The following CNTLN variants were observed in gnomAD, a reference collection of about 807,000 sequenced individuals.
The protein encoded by CNTLN is centlein.
CNTLN carries 212 observed loss-of-function variants against 180.0 expected under a neutral mutation model. The observed-to-expected ratio is 1.18, with a 90% CI of 1.05 to 1.32. The LOEUF (loss-of-function observed/expected upper bound fraction) is 1.32, where lower values mean the gene tolerates loss of function less well. Ranked by LOEUF, CNTLN falls within the 40% of genes most tolerant of loss-of-function variation. The probability of loss-of-function intolerance (pLI) is 0.00; values close to 1 mark genes in which losing one functional copy is unlikely to be tolerated. For missense variants in CNTLN, 2,095 were observed against 1,610.9 expected (o/e 1.30, Z -5.14); for synonymous variants, 722 against 563.1 (o/e 1.28, Z -3.99).
At chr9:17,229,266 A>T (rs974697471) in intron 3 of CNTLN, among the ~76,000 whole-genome samples, 2 of 152,100 alleles carry the variant, frequency 1.3e-5, no homozygotes, top group African/African-American at 4.8e-5. Context: ...TTTGAAAAAG[A>T]CATTACATTT....
At chr9:17,264,485 T>C (rs201166067) in intron 5 of CNTLN, among the ~76,000 whole-genome samples, 4 of 149,360 alleles carry the variant, frequency 2.7e-5, no homozygotes, top group Non-Finnish European at 4.4e-5. Context: ...CATGATGCCT[T>C]CAGCTTTGTT....
intron 2 of CNTLN, among the ~76,000 whole-genome samples, chr9:17,190,589 G>T (rs973496721): frequency 6.6e-5 from 10 of 152,092 alleles, no homozygotes; most frequent in African/African-American, 2.4e-4. Flanking sequence ...GAAGTTGATT[G>T]ACAGATATAG....
chr9:17,490,190 A>G (rs1376441157), intron 25 of CNTLN, among the ~76,000 whole-genome samples: 1 of 152,114 alleles, frequency 6.6e-6, no homozygotes, highest in Non-Finnish European at 1.5e-5. Context: ...CTGAAGGCCA[A>G]CATTGTAGGA....
At chr9:17,513,175 A>C in the CNTLN span, among the ~76,000 whole-genome samples, 2 of 152,198 alleles carry the variant, frequency 1.3e-5, no homozygotes, top group African/African-American at 4.8e-5. Flanking sequence ...AGAAAAATGA[A>C]AATACTTTTA....
chr9:17,148,543 G>A (rs1410684788), intron 2 of CNTLN, among the ~76,000 whole-genome samples: 2 of 152,102 alleles, frequency 1.3e-5, no homozygotes, highest in Non-Finnish European at 2.9e-5. Context: ...TCTCCCTATG[G>A]CATGTCACAA....
At chr9:17,526,222 AC>A in the CNTLN span, among the ~76,000 whole-genome samples, 2 of 152,218 alleles carry the variant, frequency 1.3e-5, no homozygotes, top group Non-Finnish European at 2.9e-5. Flanking sequence ...GGCGTGAGCC[AC>A]CGTGCCCGGC....
intron 18 of CNTLN, among the ~76,000 whole-genome samples, chr9:17,426,245 C>G (rs1471019101): frequency 6.6e-6 from 1 of 152,146 alleles, no homozygotes; most frequent in Non-Finnish European, 1.5e-5. Flanking sequence ...AAGAGAAGGA[C>G]CCCAAAAGCA....
chr9:17,280,682 C>A (rs535675159), intron 6 of CNTLN, among the ~76,000 whole-genome samples: 1 of 152,196 alleles, frequency 6.6e-6, no homozygotes, highest in African/African-American at 2.4e-5. Flanking sequence ...CACCCAAGAA[C>A]TGAGAAACTG....
chr9:17,306,046 A>C (rs771210791), intron 7 of CNTLN, among the ~76,000 whole-genome samples: 1 of 152,120 alleles, frequency 6.6e-6, no homozygotes, highest in African/African-American at 2.4e-5. Context: ...TAGTCATATC[A>C]CATCAAGTCA....
chr9:17,388,799 A>AT (rs1825879154), intron 14 of CNTLN, among the ~76,000 whole-genome samples: 1 of 147,432 alleles, frequency 6.8e-6, no homozygotes, highest in Non-Finnish European at 1.5e-5. Flanking sequence ...CCTTAGTCAT[A>AT]TTATAACATG....
chr9:17,214,589 T>G (rs1309739882), intron 2 of CNTLN, among the ~76,000 whole-genome samples: 1 of 152,228 alleles, frequency 6.6e-6, no homozygotes, highest in East Asian at 1.9e-4. Context: ...TTCCTGAATT[T>G]GAATGTTGGC....
intron 5 of CNTLN, among the ~76,000 whole-genome samples, chr9:17,255,476 G>A (rs751789317): frequency 1.1e-4 from 15 of 136,562 alleles, no homozygotes; most frequent in Non-Finnish European, 1.7e-4. Context: ...TTCTTTCATC[G>A]TGGTTTATTT....
chr9:17,317,577 G>A (rs922605806), intron 8 of CNTLN, among the ~76,000 whole-genome samples: 1 of 152,034 alleles, frequency 6.6e-6, no homozygotes, highest in Non-Finnish European at 1.5e-5. Flanking sequence ...CATGACACAC[G>A]GTAATAAGTG....
At chr9:17,241,888 A>G (rs1825514663) in intron 5 of CNTLN, among the ~76,000 whole-genome samples, 2 of 152,192 alleles carry the variant, frequency 1.3e-5, no homozygotes, top group East Asian at 1.9e-4. Context: ...TGATTTTTGT[A>G]TGTTAATTTT....
intron 6 of CNTLN, among the ~76,000 whole-genome samples, chr9:17,296,497 A>G (rs927830943): frequency 6.6e-6 from 1 of 152,162 alleles, no homozygotes. Context: ...TATCTTCATC[A>G]TGTCTCTTTT....
intron 10 of CNTLN, 66 bp downstream of exon 10, chr9:17,332,796 C>A: frequency 7.5e-7 from 1 of 1,327,950 alleles, no homozygotes; most frequent in Non-Finnish European, 1.0e-6. Flanking sequence ...AGTAAACATA[C>A]AGTTCATAGA....
At chr9:17,141,174 T>A (rs1818064052) in intron 1 of CNTLN, among the ~76,000 whole-genome samples, 1 of 152,142 alleles carries the variant, frequency 6.6e-6, no homozygotes, top group African/African-American at 2.4e-5. Context: ...TGGGCAGAAT[T>A]GTTTCTGTAA....
At position 17,174,683 on chromosome 9, in the gene CNTLN, G is replaced by A. The variant is rs1170710905; in HGVS notation, c.449+31307G>A. Reference sequence around the variant, plus strand: ...TGCACTCCAGCCTGGGCAACAGCACGAGACTCCGTCTCAGGAAAAAAAAAA... The same window carrying A: ...TGCACTCCAGCCTGGGCAACAGCACAAGACTCCGTCTCAGGAAAAAAAAAA... On this transcript the variant is annotated intron_variant, in intron 2 of 25. Coordinates refer to ENST00000380647, the MANE Select transcript of CNTLN (RefSeq NM_017738.4). Among the ~76,000 whole-genome samples the A allele has an allele frequency of 5.4e-5, 8 of 148,398 alleles. No homozygotes were observed. In the East Asian group the frequency reaches 7.9e-4, roughly 15 times the overall value.
At chr9:17,436,952 G>A (rs16935636) in intron 18 of CNTLN, among the ~76,000 whole-genome samples, 20,618 of 152,068 alleles carry the variant, frequency 0.14, 1,676 homozygotes, top group Non-Finnish European at 0.18. Context: ...TTTTATATAC[G>A]TCAGATTCTC....
Sources: gnomAD v4.1 joint callset for allele counts (sites outside exome capture counted in the v4.1 genomes callset) on GRCh38, gnomAD v4.1.1 for gene constraint, MANE v1.5 for transcripts, NCBI Gene and HGNC (gene_info 2026-07-23, HGNC 2026-07-21) for gene names.